Variants in PITPNC1 observed in about 807,000 individuals in gnomAD.
PITPNC1 encodes cytoplasmic phosphatidylinositol transfer protein 1.
PITPNC1 carries 18 observed loss-of-function variants against 44.7 expected under a neutral mutation model. The ratio of observed to expected loss-of-function variants is 0.40; its 90% confidence interval spans 0.28 to 0.60. The LOEUF is 0.60. Among genes scored for constraint, PITPNC1 ranks in the 20% least tolerant of loss-of-function variants. PITPNC1 has a pLI of 0.39. For synonymous variants in PITPNC1, 141 were observed against 149.6 expected, an observed-to-expected ratio of 0.94 and a Z score of 0.42; for missense variants, 290 against 418.4, an observed-to-expected ratio of 0.69 and a Z score of 2.68.
intron 1 of PITPNC1, among the ~76,000 whole-genome samples, chr17:67,506,861 TA>T (rs932932889): frequency 1.2e-4 from 18 of 152,106 alleles, no homozygotes; most frequent in African/African-American, 3.4e-4. Context: ...TCATCGTATC[TA>T]AAAAAAATTC....
chr17:67,580,256 CTT>C (rs1380058076), intron 5 of PITPNC1, among the ~76,000 whole-genome samples: 3 of 152,194 alleles, frequency 2.0e-5, no homozygotes, highest in South Asian at 2.1e-4. Context: ...AAGCTTGACT[CTT>C]TTCACGTAGC....
intron 1 of PITPNC1, among the ~76,000 whole-genome samples, chr17:67,467,631 CCAAA>C (rs933958501): frequency 3.9e-5 from 6 of 152,110 alleles, no homozygotes; most frequent in Non-Finnish European, 7.4e-5. Flanking sequence ...TGCCTCTGCC[CCAAA>C]CAGATTTGCT....
chr17:67,389,092 G>T (rs1435894837), intron 1 of PITPNC1, among the ~76,000 whole-genome samples: 1 of 152,194 alleles, frequency 6.6e-6, no homozygotes, highest in Non-Finnish European at 1.5e-5. Flanking sequence ...GGAGCTTGGA[G>T]TTGTCTTCAG....
At chr17:67,526,045 C>T (rs1598779487) in intron 1 of PITPNC1, among the ~76,000 whole-genome samples, 2 of 152,128 alleles carry the variant, frequency 1.3e-5, no homozygotes, top group African/African-American at 4.8e-5. Flanking sequence ...CGGGGATTAC[C>T]ACCACCCAAT....
chr17:67,596,580 G>A (rs964650705), intron 5 of PITPNC1, among the ~76,000 whole-genome samples: 1 of 151,840 alleles, frequency 6.6e-6, no homozygotes, highest in Non-Finnish European at 1.5e-5. Context: ...GCCCGATCTC[G>A]GCTCACTGCA....
chr17:67,544,242 G>A (rs922468009), intron 2 of PITPNC1, among the ~76,000 whole-genome samples: 1 of 152,216 alleles, frequency 6.6e-6, no homozygotes, highest in Non-Finnish European at 1.5e-5. Context: ...GGCATCCAAG[G>A]AATGGGGGCA....
At chr17:67,584,227 C>T (rs1268576590) in intron 5 of PITPNC1, among the ~76,000 whole-genome samples, 1 of 152,154 alleles carries the variant, frequency 6.6e-6, no homozygotes, top group East Asian at 1.9e-4. Context: ...CCATTCCACT[C>T]CCACTCACAC....
chr17:67,516,463 T>C (rs1267871811), intron 1 of PITPNC1, among the ~76,000 whole-genome samples: 1 of 152,190 alleles, frequency 6.6e-6, no homozygotes, highest in Non-Finnish European at 1.5e-5. Context: ...ATAAATATTT[T>C]AGAACTGTGC....
chr17:67,612,882 A>G (rs2041706199), intron 5 of PITPNC1: 1 of 152,210 alleles, frequency 6.6e-6, no homozygotes, highest in Non-Finnish European at 1.5e-5. Flanking sequence ...GTCTGACCAC[A>G]TGTGAGAATG....
chr17:67,632,107 A>T (rs377580199), intron 5 of PITPNC1, 36 bp from the exon 6 acceptor site: 26 of 1,341,068 alleles, frequency 1.9e-5, no homozygotes, highest in Middle Eastern at 1.8e-4. Context: ...AACACCTGCT[A>T]TCACTAACCT....
At chr17:67,429,637 G>T (rs1010328787) in intron 1 of PITPNC1, among the ~76,000 whole-genome samples, 1 of 151,844 alleles carries the variant, frequency 6.6e-6, no homozygotes, top group Admixed American at 6.6e-5. Context: ...GGCGGAGGTT[G>T]CAGTGAGCTG....
At chr17:67,463,004 A>G (rs1014413826) in intron 1 of PITPNC1, among the ~76,000 whole-genome samples, 6 of 152,254 alleles carry the variant, frequency 3.9e-5, no homozygotes, top group African/African-American at 1.4e-4. Context: ...CCCCGGCAAC[A>G]ATTGGAAATT....
rs147824170 is a variant in PITPNC1 at position 67,667,043 on chromosome 17, C to T, written c.463-2465C>T. On this transcript the variant is annotated intron_variant, in intron 6 of 8. Transcript: ENST00000581322. ...GTCTCATCCTATCTACTTCTCAACACAGGACCCCTTGACTGCCAGGTTTCT... is the reference window on the plus strand; with the variant it reads ...GTCTCATCCTATCTACTTCTCAACATAGGACCCCTTGACTGCCAGGTTTCT... Among the ~76,000 whole-genome samples the T allele has an allele frequency of 2.9e-3, 438 of 152,340 alleles. 5 individuals carry two copies. The highest frequency in any genetic ancestry group is 1.0e-2 in the African/African-American group (415 of 41,584).
At position 67,523,947 on chromosome 17, in the gene PITPNC1, G is replaced by A. The variant is rs190259014; in HGVS notation, c.49-8855G>A. The stretch of plus-strand genomic sequence containing the variant: ...CTGCCTCAGCCTCCTGAGTACCTGG[G>A]ATTACAGGTGCCTGCCACCACGCCC... On this transcript the variant is annotated intron_variant, in intron 1 of 8. Coordinates refer to ENST00000581322, the MANE Select transcript of PITPNC1 (RefSeq NM_012417.4). 4.3e-4 allele frequency among the ~76,000 whole-genome samples: 65 copies of A among 151,884 alleles called. No individual in the cohort carries two copies. The East Asian group carries it at 0.011, about 25-fold the overall frequency.
chr17:67,417,041 C>T (rs1316317890), intron 1 of PITPNC1, among the ~76,000 whole-genome samples: 3 of 151,854 alleles, frequency 2.0e-5, no homozygotes, highest in East Asian at 2.0e-4. Context: ...CAAAAACTCC[C>T]GACCTCAGGT....
intron 5 of PITPNC1, among the ~76,000 whole-genome samples, chr17:67,614,924 A>G (rs939849198): frequency 1.3e-5 from 2 of 152,186 alleles, no homozygotes; most frequent in African/African-American, 2.4e-5. Context: ...GAGCTGGTCT[A>G]TGAAGGCAAG....
At chr17:67,618,362 CTCA>C (rs1598893106) in intron 5 of PITPNC1, among the ~76,000 whole-genome samples, 2 of 15,384 alleles carry the variant, frequency 1.3e-4, no homozygotes, top group African/African-American at 5.3e-4. Flanking sequence ...GAGACTCCGT[CTCA>C]AAAAAAAAAA....
intron 1 of PITPNC1, among the ~76,000 whole-genome samples, chr17:67,434,335 C>G (rs1029621482): frequency 3.9e-5 from 6 of 152,200 alleles, no homozygotes; most frequent in African/African-American, 1.4e-4. Flanking sequence ...TAAAATCTGC[C>G]CATTTACACA....
At chr17:67,686,945 G>A (rs573566812) in intron 8 of PITPNC1, 2 of 645,764 alleles carry the variant, frequency 3.1e-6, no homozygotes, top group South Asian at 3.8e-5. Context: ...CATAAAGTTA[G>A]ACAAGTCTCT....
Sources: allele counts gnomAD v4.1 joint callset (sites outside exome capture counted in the v4.1 genomes callset), GRCh38; gene constraint gnomAD v4.1.1; transcripts MANE v1.5; gene names NCBI Gene and HGNC (gene_info 2026-07-23, HGNC 2026-07-21).